Variants in ZNF25 observed in about 807,000 individuals in gnomAD.
ZNF25 encodes zinc finger protein 25 (KOX 19).
A neutral mutation model predicts 30.9 loss-of-function variants in ZNF25; 21 were observed. The observed-to-expected ratio is 0.68, with a 90% CI of 0.48 to 0.98. The LOEUF is 0.98. Ranked by LOEUF, ZNF25 falls within the 50% of genes least tolerant of loss-of-function variation. The pLI is 0.00. For missense variants in ZNF25, 501 were observed against 529.9 expected, an observed-to-expected ratio of 0.95 and a Z score of 0.54; for synonymous variants, 169 against 181.3, an observed-to-expected ratio of 0.93 and a Z score of 0.55.
chr10:37,969,014 A>G (rs1356063070), intron 2 of ZNF25, among the ~76,000 whole-genome samples: 1 of 152,182 alleles, frequency 6.6e-6, no homozygotes, highest in Non-Finnish European at 1.5e-5. Context: ...AGCAGAAAAA[A>G]GCACAATAGA....
chr10:37,969,570 T>C (rs912253479), intron 2 of ZNF25, among the ~76,000 whole-genome samples: 6 of 152,170 alleles, frequency 3.9e-5, no homozygotes, highest in African/African-American at 1.4e-4. Context: ...GGTAGATCCA[T>C]AGAGATAGAT....
chr10:37,974,599 A>G (rs754300834), intron 1 of ZNF25, among the ~76,000 whole-genome samples: 1 of 152,160 alleles, frequency 6.6e-6, no homozygotes, highest in Non-Finnish European at 1.5e-5. Flanking sequence ...GCTATTATAA[A>G]AAAGGCAAAA....
chr10:37,972,080 T>C (rs1330458634), intron 1 of ZNF25, among the ~76,000 whole-genome samples: 1 of 152,186 alleles, frequency 6.6e-6, no homozygotes, highest in African/African-American at 2.4e-5. Flanking sequence ...TTAAATAACA[T>C]GTATAATATA....
At chr10:37,954,644 C>CAA (rs1278983334) in intron 4 of ZNF25, among the ~76,000 whole-genome samples, 2 of 152,120 alleles carry the variant, frequency 1.3e-5, no homozygotes, top group African/African-American at 4.8e-5. Flanking sequence ...TCTCTGCTTC[C>CAA]AATTTACTAC....
intron 1 of ZNF25, among the ~76,000 whole-genome samples, chr10:37,972,820 G>A (rs1261820791): frequency 6.6e-6 from 1 of 152,074 alleles, no homozygotes; most frequent in Non-Finnish European, 1.5e-5. Flanking sequence ...GAAAAAACTG[G>A]TAGAACTGAT....
chr10:37,970,359 T>A (rs1437787562), intron 2 of ZNF25, among the ~76,000 whole-genome samples: 2 of 151,848 alleles, frequency 1.3e-5, no homozygotes, highest in African/African-American at 4.8e-5. Context: ...GCTAACAAAC[T>A]AAAAAAGAAA....
intron 2 of ZNF25, among the ~76,000 whole-genome samples, chr10:37,969,222 CA>C: frequency 6.6e-6 from 1 of 152,180 alleles, no homozygotes; most frequent in South Asian, 2.1e-4. Flanking sequence ...GGCAGTTCCT[CA>C]AAAAGTTAAA....
chr10:37,974,290 G>A (rs1463940001), intron 1 of ZNF25, among the ~76,000 whole-genome samples: 3 of 152,000 alleles, frequency 2.0e-5, no homozygotes, highest in Non-Finnish European at 2.9e-5. Flanking sequence ...TACATCAAAC[G>A]AAAAAGTTTC....
chr10:37,973,675 GAATT>G (rs936125126), intron 1 of ZNF25, among the ~76,000 whole-genome samples: 1 of 151,132 alleles, frequency 6.6e-6, no homozygotes, highest in African/African-American at 2.4e-5. Context: ...TGGACTGGCA[GAATT>G]AATATTGTTA....
intron 2 of ZNF25, among the ~76,000 whole-genome samples, chr10:37,969,994 A>C (rs2063398189): frequency 6.6e-6 from 1 of 152,180 alleles, no homozygotes; most frequent in Non-Finnish European, 1.5e-5. Flanking sequence ...TGACAACTAC[A>C]GTGGTTGCTG....
chr10:37,956,552 G>A (rs1411696083), intron 4 of ZNF25, among the ~76,000 whole-genome samples: 1 of 152,094 alleles, frequency 6.6e-6, no homozygotes, highest in African/African-American at 2.4e-5. Context: ...AATTGGAGGT[G>A]TGAATTAGGT....
At chr10:37,958,908 G>T (rs888335408) in intron 2 of ZNF25, among the ~76,000 whole-genome samples, 1 of 152,184 alleles carries the variant, frequency 6.6e-6, no homozygotes, top group Non-Finnish European at 1.5e-5. Flanking sequence ...AATTAGCCGG[G>T]CGTGGTGGCA....
In ZNF25 at chr10:37,952,813, GTTTCTCCCC is replaced by G; in HGVS notation, c.676_684del (p.Gly226_Lys228del). On this transcript the variant is annotated inframe_deletion, in exon 6 of 6. Transcript: ENST00000302609. ...TTCCCACATTCAGTACATTCAAAAG[GTTTCTCCCC>G]TGTGTGTGTTTTCTGATGTTCTGTG... 6.2e-7 allele frequency: 1 copy of G among 1,613,890 alleles called. No homozygotes were observed. The highest frequency in any genetic ancestry group is 2.2e-5 in the East Asian group (1 of 44,864).
At chr10:37,963,275 AC>A (rs1157381573) in intron 2 of ZNF25, among the ~76,000 whole-genome samples, 1 of 152,016 alleles carries the variant, frequency 6.6e-6, no homozygotes, top group African/African-American at 2.4e-5. Context: ...GGTGCCCACC[AC>A]CACATCCAGC....
intron 2 of ZNF25, among the ~76,000 whole-genome samples, chr10:37,959,493 T>G (rs1439116959): frequency 6.6e-6 from 1 of 152,210 alleles, no homozygotes; most frequent in Admixed American, 6.5e-5. Context: ...TTGGTAGAAC[T>G]GTTTAAGGCT....
intron 2 of ZNF25, among the ~76,000 whole-genome samples, chr10:37,970,666 A>AC (rs1432631515): frequency 3.0e-4 from 45 of 152,284 alleles, no homozygotes; most frequent in Middle Eastern, 3.4e-3. Flanking sequence ...CCAGGGCCAT[A>AC]CATATTCTAG....
At chr10:37,954,952 G>A (rs1208272800) in intron 4 of ZNF25, among the ~76,000 whole-genome samples, 2 of 152,106 alleles carry the variant, frequency 1.3e-5, no homozygotes, top group East Asian at 1.9e-4. Flanking sequence ...TCAGGAGTTC[G>A]AGACCAGCCT....
intron 2 of ZNF25, among the ~76,000 whole-genome samples, chr10:37,959,712 C>T (rs1470628579): frequency 1.3e-5 from 2 of 151,952 alleles, no homozygotes; most frequent in East Asian, 3.9e-4. Flanking sequence ...CAGGTTCATG[C>T]CATTCTCCTG....
intron 2 of ZNF25, among the ~76,000 whole-genome samples, chr10:37,971,000 T>C (rs1410444698): frequency 2.0e-5 from 3 of 152,300 alleles, no homozygotes; most frequent in East Asian, 1.9e-4. Flanking sequence ...TGTTGACATA[T>C]TGTTATAAAA....
Sources: gnomAD v4.1 joint callset for allele counts (sites outside exome capture counted in the v4.1 genomes callset) on GRCh38, gnomAD v4.1.1 for gene constraint, MANE v1.5 for transcripts, NCBI Gene and HGNC (gene_info 2026-07-23, HGNC 2026-07-21) for gene names.